The following KLF12 variants were observed in gnomAD, a reference collection of about 807,000 sequenced individuals.
KLF12 encodes KLF transcription factor 12, also known as Krueppel-like factor 12.
KLF12 carries 9 observed loss-of-function variants against 37.8 expected under a neutral mutation model. The ratio of observed to expected loss-of-function variants is 0.24; its 90% CI spans 0.14 to 0.42. The LOEUF (loss-of-function observed/expected upper bound fraction) is 0.42. KLF12 is among the 10% of genes least tolerant of loss of function. KLF12 has a pLI of 1.00. For synonymous variants in KLF12, 208 were observed against 202.1 expected, an observed-to-expected ratio of 1.03 and a Z score of -0.25; for missense variants, 411 against 516.0, an observed-to-expected ratio of 0.80 and a Z score of 1.97.
At chr13:73,772,316 T>C (rs530157561) in intron 5 of KLF12, among the ~76,000 whole-genome samples, 3 of 152,302 alleles carry the variant, frequency 2.0e-5, no homozygotes, top group African/African-American at 7.2e-5. Flanking sequence ...CTACAAGGAT[T>C]CAAACACAGT....
intron 2 of KLF12, among the ~76,000 whole-genome samples, chr13:73,948,587 T>G (rs1890530061): frequency 6.6e-6 from 1 of 152,304 alleles, no homozygotes; most frequent in African/African-American, 2.4e-5. Context: ...TGGGTACCTC[T>G]TCCTATAGAA....
intron 1 of KLF12, among the ~76,000 whole-genome samples, chr13:74,037,529 T>G (rs1893286811): frequency 6.6e-6 from 1 of 152,228 alleles, no homozygotes; most frequent in South Asian, 2.1e-4. Flanking sequence ...AAATTTTTTT[T>G]GCTCACAGAA....
At chr13:73,835,843 T>C (rs1240650340) in intron 4 of KLF12, among the ~76,000 whole-genome samples, 1 of 152,196 alleles carries the variant, frequency 6.6e-6, no homozygotes, top group Non-Finnish European at 1.5e-5. Flanking sequence ...TTCTTTAAAA[T>C]CACTCATTGT....
intron 6 of KLF12, among the ~76,000 whole-genome samples, chr13:73,752,748 CAGAGTCTTGCTCTGTCA>C (rs1878866140): frequency 3.1e-5 from 2 of 65,130 alleles, no homozygotes; most frequent in African/African-American, 2.0e-4. Flanking sequence ...TTTTTTGACA[CAGAGTCTTGCTCTGTCA>C]CCCAGGTGTG....
At chr13:74,163,374 T>C in the KLF12 span, among the ~76,000 whole-genome samples, 1 of 152,182 alleles carries the variant, frequency 6.6e-6, no homozygotes, top group African/African-American at 2.4e-5. Flanking sequence ...GTGATATATA[T>C]ACACAATGAA....
the KLF12 span, among the ~76,000 whole-genome samples, chr13:74,198,833 A>G: frequency 3.3e-4 from 50 of 152,268 alleles, no homozygotes; most frequent in African/African-American, 1.1e-3. Context: ...CCTGAGTCTC[A>G]TGTGCCATGG....
chr13:74,128,031 C>A (rs1025915833), intron 1 of KLF12, among the ~76,000 whole-genome samples: 39 of 152,278 alleles, frequency 2.6e-4, no homozygotes, highest in African/African-American at 9.4e-4. Context: ...TGCAGATTTT[C>A]AATCTCTAAT....
chr13:74,076,776 T>C (rs1164660121), intron 1 of KLF12, among the ~76,000 whole-genome samples: 1 of 152,188 alleles, frequency 6.6e-6, no homozygotes, highest in Non-Finnish European at 1.5e-5. Context: ...AGTTACTCTT[T>C]CTGCTCCTCT....
Position 73,824,756 on chromosome 13 carries a change from A to C in KLF12, c.671-11469T>G, listed in dbSNP as rs548218751. ...AGAACAATTCCATTAGTCCGCATCA[A>C]TCTATTAGAAATATAGATTTCTAAT... On this transcript the variant is annotated intron_variant, in intron 4 of 7. Transcript: ENST00000377669. Among the ~76,000 whole-genome samples, 5 of 152,240 alleles carry C rather than the reference A, an allele frequency of 3.3e-5. No homozygotes were observed. The South Asian group carries it at 1.0e-3, about 32-fold the overall frequency.
chr13:74,163,032 A>G, the KLF12 span, among the ~76,000 whole-genome samples: 1 of 152,188 alleles, frequency 6.6e-6, no homozygotes, highest in Admixed American at 6.5e-5. Context: ...AGTAAAATAA[A>G]AACAGGGAAT....
Position 73,813,259 on chromosome 13 carries a change from G to A in KLF12, c.699C>T (p.Pro233=). Reference sequence around the variant, plus strand: ...CATCACTGTCACTTTTACTTTGTCTGGGAGATAGGCCTCGGGGGTCCATTT... The same window carrying A: ...CATCACTGTCACTTTTACTTTGTCTAGGAGATAGGCCTCGGGGGTCCATTT... The change falls in exon 5 of 8, where the codon CCC becomes CCT. Residue 233 remains proline (P), a synonymous_variant. Transcript: ENST00000377669. 6.2e-7 allele frequency: 1 copy of A among 1,613,966 alleles called. No individual in the cohort carries two copies. The highest frequency in any genetic ancestry group is 8.5e-7 in the Non-Finnish European group (1 of 1,179,934).
chr13:73,945,299 T>G (rs1448965448), intron 2 of KLF12, among the ~76,000 whole-genome samples: 1 of 151,954 alleles, frequency 6.6e-6, no homozygotes, highest in African/African-American at 2.4e-5. Context: ...TGAAACCCCG[T>G]CTCTACTAAA....
chr13:74,103,602 T>C (rs913221981), intron 1 of KLF12, among the ~76,000 whole-genome samples: 8 of 152,334 alleles, frequency 5.3e-5, no homozygotes, highest in Middle Eastern at 3.4e-3. Context: ...TGTTTGGCTA[T>C]ACAACAATGT....
the KLF12 span, among the ~76,000 whole-genome samples, chr13:74,164,426 G>A: frequency 6.6e-6 from 1 of 152,082 alleles, no homozygotes; most frequent in Admixed American, 6.5e-5. Context: ...TATTACCCCA[G>A]TAGAAAGTGT....
At chr13:74,263,808 G>T in the KLF12 span, among the ~76,000 whole-genome samples, 1 of 152,168 alleles carries the variant, frequency 6.6e-6, no homozygotes, top group South Asian at 2.1e-4. Context: ...CCTATACTCA[G>T]CTAACATGAT....
At chr13:73,972,835 A>C (rs1422373004) in intron 2 of KLF12, among the ~76,000 whole-genome samples, 1 of 151,302 alleles carries the variant, frequency 6.6e-6, no homozygotes, top group Non-Finnish European at 1.5e-5. Flanking sequence ...ATCAGTACCA[A>C]AAAAGGATCA....
chr13:74,166,374 G>A, the KLF12 span, among the ~76,000 whole-genome samples: 3 of 152,066 alleles, frequency 2.0e-5, no homozygotes, highest in African/African-American at 7.2e-5. Context: ...TTATAGGCAC[G>A]ATCCACTGTG....
At chr13:74,246,543 A>G in the KLF12 span, among the ~76,000 whole-genome samples, 1 of 152,244 alleles carries the variant, frequency 6.6e-6, no homozygotes, top group Non-Finnish European at 1.5e-5. Context: ...GAAAATAGAA[A>G]GTGGCCCCCT....
At chr13:73,766,699 T>G (rs1879939117) in intron 5 of KLF12, among the ~76,000 whole-genome samples, 1 of 152,198 alleles carries the variant, frequency 6.6e-6, no homozygotes, top group African/African-American at 2.4e-5. Context: ...ACATTTACTT[T>G]TTATATTGTC....
Sources: allele counts gnomAD v4.1 joint callset (sites outside exome capture counted in the v4.1 genomes callset), GRCh38; gene constraint gnomAD v4.1.1; transcripts MANE v1.5; gene names NCBI Gene and HGNC (gene_info 2026-07-23, HGNC 2026-07-21).